The following TACC2 variants were observed in gnomAD, a reference collection of about 807,000 sequenced individuals.
TACC2 encodes transforming acidic coiled-coil-containing protein 2.
TACC2 carries 137 observed loss-of-function variants against 227.3 expected under a neutral mutation model. The ratio of observed to expected loss-of-function variants is 0.60; its 90% confidence interval spans 0.52 to 0.69. The LOEUF is 0.69. Ranked by LOEUF, TACC2 falls within the 30% of genes least tolerant of loss-of-function variation. The probability of loss-of-function intolerance (pLI) is 0.00; values close to 1 mark genes in which losing one functional copy is unlikely to be tolerated. For synonymous variants in TACC2, 1,523 were observed against 1,487.5 expected, an observed-to-expected ratio of 1.02 and a Z score of -0.55; for missense variants, 3,470 against 3,694.4, an observed-to-expected ratio of 0.94 and a Z score of 1.57.
At chr10:122,243,495 A>G (rs2096050709) in intron 19 of TACC2, among the ~76,000 whole-genome samples, 1 of 152,228 alleles carries the variant, frequency 6.6e-6, no homozygotes, top group South Asian at 2.1e-4. Flanking sequence ...TTATTGTAAC[A>G]AAGTTCATTT....
At chr10:122,113,982 T>A (rs2138129494) in intron 5 of TACC2, among the ~76,000 whole-genome samples, 1 of 152,382 alleles carries the variant, frequency 6.6e-6, no homozygotes, top group South Asian at 2.1e-4. Context: ...CCTGGTCTTT[T>A]CTTAAAATGG....
chr10:122,134,099 ATATTC>A (rs2089000639), intron 6 of TACC2, among the ~76,000 whole-genome samples: 1 of 151,942 alleles, frequency 6.6e-6, no homozygotes, highest in South Asian at 2.1e-4. Context: ...CTGGAAGCAG[ATATTC>A]CAGGGCAGCC....
chr10:122,180,334 C>T lies in TACC2; in HGVS notation c.5835-14706C>T, dbSNP rs953383541. On this transcript the variant is annotated intron_variant, in intron 7 of 22. Transcript: ENST00000369005. The surrounding 1 kb of genome is among the most constrained non-coding windows in gnomAD (Gnocchi z 4.5). ...TCCCTGCCTGAAACTTTCTTCCCCC[C>T]AGTTCTTTTTTTTTTTTTTTGGGTT... is the stretch of plus-strand genomic sequence containing the variant. Among the ~76,000 whole-genome samples, 2 of 151,514 alleles carry T rather than the reference C, an allele frequency of 1.3e-5. No homozygotes were observed. The highest frequency in any genetic ancestry group is 2.9e-5 in the Non-Finnish European group (2 of 67,948).
chr10:122,090,546 C>CAAAAAAAAAAAAAA (rs1188822419), intron 5 of TACC2, among the ~76,000 whole-genome samples: 2 of 41,064 alleles, frequency 4.9e-5, no homozygotes, highest in East Asian at 7.3e-4. Context: ...GACTCTATCT[C>CAAAAAAAAAAAAAA]AAAAAAAAAA....
At chr10:122,014,269 GCA>G (rs1956289888) in intron 1 of TACC2, among the ~76,000 whole-genome samples, 2 of 149,898 alleles carry the variant, frequency 1.3e-5, no homozygotes, top group South Asian at 2.1e-4. Context: ...GAGTGCAATG[GCA>G]TGATCTTGGC....
intron 5 of TACC2, chr10:122,088,857 A>C: frequency 4.8e-4 from 507 of 1,060,180 alleles, no homozygotes; most frequent in Non-Finnish European, 6.1e-4. Flanking sequence ...GCGGTGGCTC[A>C]TGCCTGTAAT....
At position 122,180,281 on chromosome 10, in the gene TACC2, C is replaced by T. The variant is rs540122226; in HGVS notation, c.5835-14759C>T. ...AACCTGCCACCCTCCTTCCCCCTCCCACCTCAGGGCTCTTCATCTTTTTGT... is the reference window on the plus strand; with the variant it reads ...AACCTGCCACCCTCCTTCCCCCTCCTACCTCAGGGCTCTTCATCTTTTTGT... On this transcript the variant is annotated intron_variant, in intron 7 of 22. Transcript: ENST00000369005. This position sits in a 1 kb window ranked among gnomAD's most constrained non-coding sequence, Gnocchi z 4.5. 2.0e-5 allele frequency among the ~76,000 whole-genome samples: 3 copies of T among 152,162 alleles called. No homozygotes were observed. In the South Asian group the frequency reaches 6.2e-4, roughly 32 times the overall value.
At chr10:122,126,217 A>AG (rs1188540922) in intron 5 of TACC2, among the ~76,000 whole-genome samples, 7 of 152,098 alleles carry the variant, frequency 4.6e-5, no homozygotes, top group East Asian at 1.9e-4. Flanking sequence ...TTGTACTGTA[A>AG]GGGGGGGCTT....
chr10:122,063,793 C>A (rs536607884), intron 3 of TACC2, among the ~76,000 whole-genome samples: 4 of 150,326 alleles, frequency 2.7e-5, no homozygotes, highest in African/African-American at 9.8e-5. Context: ...ATTATAAAAA[C>A]ATATTCAAAT....
intron 22 of TACC2, among the ~76,000 whole-genome samples, chr10:122,253,261 T>A: frequency 1.3e-5 from 2 of 152,342 alleles, no homozygotes; most frequent in South Asian, 4.1e-4. Flanking sequence ...TCGGTCGTGC[T>A]GTTGAACTTG....
chr10:122,115,099 C>T (rs1045385122), intron 5 of TACC2, among the ~76,000 whole-genome samples: 12 of 152,324 alleles, frequency 7.9e-5, no homozygotes, highest in African/African-American at 2.6e-4. Context: ...TGGTTTTATT[C>T]GGCTTTGTAT....
chr10:122,156,216 C>G (rs866283776), intron 7 of TACC2, among the ~76,000 whole-genome samples: 9 of 149,136 alleles, frequency 6.0e-5, no homozygotes, highest in Admixed American at 2.0e-4. Flanking sequence ...TTAGATTTAA[C>G]AAAATGTAGA....
chr10:122,199,632 C>T (rs186493399), intron 8 of TACC2, among the ~76,000 whole-genome samples: 1 of 152,206 alleles, frequency 6.6e-6, no homozygotes, highest in Non-Finnish European at 1.5e-5. Context: ...TGCTTACAGA[C>T]TCTCCCTCTT....
intron 7 of TACC2, among the ~76,000 whole-genome samples, chr10:122,159,735 T>C (rs920536886): frequency 6.6e-6 from 1 of 152,210 alleles, no homozygotes; most frequent in Non-Finnish European, 1.5e-5. Context: ...GGAGGAGCCC[T>C]GTTCTCCATC....
intron 5 of TACC2, among the ~76,000 whole-genome samples, chr10:122,109,425 G>A (rs1240274093): frequency 6.6e-6 from 1 of 152,196 alleles, no homozygotes; most frequent in African/African-American, 2.4e-5. Flanking sequence ...CCGGGAGCCA[G>A]GCCCAGGAAT....
At chr10:122,153,168 G>C (rs1204748529) in intron 7 of TACC2, among the ~76,000 whole-genome samples, 1 of 151,898 alleles carries the variant, frequency 6.6e-6, no homozygotes, top group Non-Finnish European at 1.5e-5. Context: ...GCTAAGTTTT[G>C]TATTTTTAGT....
chr10:122,151,821 TCAC>T (rs2092072202), intron 7 of TACC2, among the ~76,000 whole-genome samples: 1 of 152,122 alleles, frequency 6.6e-6, no homozygotes, highest in Non-Finnish European at 1.5e-5. Context: ...ATTCATCCAT[TCAC>T]CAACGTTGAT....
chr10:122,183,922 T>G (rs1349669612), intron 7 of TACC2, among the ~76,000 whole-genome samples: 1 of 151,990 alleles, frequency 6.6e-6, no homozygotes, highest in Admixed American at 6.6e-5. Flanking sequence ...ATCTTGAGAG[T>G]GGGAGCTTAT....
rs555234607 is a variant in TACC2, at chr10:122,150,495, G to T, written c.5834+6789G>T. On this transcript the variant is annotated intron_variant, in intron 7 of 22. Transcript: ENST00000369005. The surrounding 1 kb of genome is among the most constrained non-coding windows in gnomAD (Gnocchi z 4.0). ...GGTTTTAGGTGCTTGCCCTGCGGGAGGCTGCGTTCCTTCCAAGCCAAATGC... is the reference window on the plus strand; with the variant it reads ...GGTTTTAGGTGCTTGCCCTGCGGGATGCTGCGTTCCTTCCAAGCCAAATGC... 6.6e-6 allele frequency among the ~76,000 whole-genome samples: 1 copy of T among 152,322 alleles called. No homozygotes were observed. Among genetic ancestry groups the T allele is most frequent in the African/African-American group, 2.4e-5 (1 of 41,576 alleles).
Sources: allele counts gnomAD v4.1 joint callset (sites outside exome capture counted in the v4.1 genomes callset), GRCh38; gene constraint gnomAD v4.1.1; non-coding constraint Gnocchi (gnomAD v3.1); transcripts MANE v1.5; gene names NCBI Gene and HGNC (gene_info 2026-07-23, HGNC 2026-07-21).